SUGT1: variants seen among roughly 807,000 people sequenced by gnomAD.
SUGT1 encodes protein SGT1 homolog.
A neutral mutation model predicts 56.1 loss-of-function variants in SUGT1; 15 were observed. The observed-to-expected ratio is 0.27, with a 90% CI of 0.18 to 0.41. SUGT1 has a LOEUF of 0.41. SUGT1 is among the 10% of genes least tolerant of loss of function. SUGT1 has a pLI of 1.00. For synonymous variants in SUGT1, 123 were observed against 128.6 expected, an observed-to-expected ratio of 0.96 and a Z score of 0.30; for missense variants, 347 against 382.2, an observed-to-expected ratio of 0.91 and a Z score of 0.77.
At chr13:52,687,662 A>G in intron 12 of SUGT1, 72 bp from the exon 13 acceptor site, 2 of 1,265,032 alleles carry the variant, frequency 1.6e-6, no homozygotes, top group South Asian at 1.7e-5. Flanking sequence ...CTATGCTTGG[A>G]ACATTTTAAG....
chr13:52,667,484 A>G (rs1353004862), intron 10 of SUGT1, among the ~76,000 whole-genome samples: 1 of 152,124 alleles, frequency 6.6e-6, no homozygotes, highest in Non-Finnish European at 1.5e-5. Context: ...AGCTGGGACT[A>G]CAGGCATGCA....
At chr13:52,670,247 T>C (rs1962874847) in intron 10 of SUGT1, among the ~76,000 whole-genome samples, 1 of 152,232 alleles carries the variant, frequency 6.6e-6, no homozygotes, top group Non-Finnish European at 1.5e-5. Context: ...TAGCATTTCT[T>C]AACTATTTTA....
At chr13:52,654,975 G>A (rs1002822508) in intron 2 of SUGT1, among the ~76,000 whole-genome samples, 1 of 152,198 alleles carries the variant, frequency 6.6e-6, no homozygotes, top group Admixed American at 6.5e-5. Flanking sequence ...GCCTAGGATA[G>A]TCATGTGGCT....
chr13:52,694,967 C>CA lies in SUGT1; in HGVS notation c.*7132_*7133insA, dbSNP rs2138195268. 1 of 152,410 alleles carries CA rather than the reference C, an allele frequency of 6.6e-6. No homozygotes were observed. Among genetic ancestry groups the CA allele is most frequent in the African/African-American group, 2.4e-5 (1 of 41,568 alleles). The allele number at this position is 152,410 out of a possible 1,614,324, so 9.4% of individuals were successfully genotyped here. On this transcript the variant is annotated 3_prime_UTR_variant, in exon 13 of 13. Coordinates refer to ENST00000310528, the MANE Select transcript of SUGT1 (RefSeq NM_006704.5). ...CCTCCCAAAGTGCTGGGATTACAGG[C>CA]GTGAGCCACCATGCCCAGCCTGCTG...
intron 11 of SUGT1, among the ~76,000 whole-genome samples, chr13:52,677,893 A>G (rs1242659612): frequency 1.3e-5 from 2 of 152,180 alleles, no homozygotes; most frequent in African/African-American, 4.8e-5. Flanking sequence ...GAGATTAAAG[A>G]TCAAGGCTTT....
intron 5 of SUGT1, among the ~76,000 whole-genome samples, chr13:52,662,422 AT>A (rs1962497728): frequency 6.6e-6 from 1 of 152,248 alleles, no homozygotes; most frequent in African/African-American, 2.4e-5. Context: ...TGTAGTTAAA[AT>A]TTTTAAAAAA....
chr13:52,666,753 GT>G, intron 9 of SUGT1, 58 bp from the exon 10 acceptor site: 1 of 1,113,898 alleles, frequency 9.0e-7, no homozygotes, highest in Non-Finnish European at 1.3e-6. Flanking sequence ...TTTTGTGTAG[GT>G]TTTTTACCCT....
intron 12 of SUGT1, among the ~76,000 whole-genome samples, chr13:52,682,823 A>G (rs1041625416): frequency 2.0e-5 from 3 of 152,116 alleles, no homozygotes; most frequent in South Asian, 2.1e-4. Flanking sequence ...TATTTTCACA[A>G]TTGTTTTTAG....
chr13:52,684,071 T>A lies in SUGT1; in HGVS notation c.901-3663T>A, dbSNP rs370878687. ...AATTTATTTTAATTTAATTTAATTTTATTTTATTTTGTAGAGATGGGGTTT... is the reference window on the plus strand; with the variant it reads ...AATTTATTTTAATTTAATTTAATTTAATTTTATTTTGTAGAGATGGGGTTT... On this transcript the variant is annotated intron_variant, in intron 12 of 12. Coordinates refer to ENST00000310528, the MANE Select transcript of SUGT1 (RefSeq NM_006704.5). Among the ~76,000 whole-genome samples, 429 of 152,176 alleles carry A rather than the reference T, an allele frequency of 2.8e-3. 3 individuals carry two copies. The highest frequency in any genetic ancestry group is 6.8e-3 in the Middle Eastern group (2 of 294).
chr13:52,666,132 C>T (rs769360460), intron 9 of SUGT1, among the ~76,000 whole-genome samples: 2 of 152,208 alleles, frequency 1.3e-5, no homozygotes, highest in Non-Finnish European at 2.9e-5. Context: ...CTTGCGTAGG[C>T]TGGAGTGCAG....
chr13:52,663,464 CA>C (rs1276526012), intron 7 of SUGT1, among the ~76,000 whole-genome samples: 2 of 152,012 alleles, frequency 1.3e-5, no homozygotes, highest in Non-Finnish European at 2.9e-5. Flanking sequence ...TAGGCTAAGA[CA>C]AAAGTTAAAG....
At chr13:52,669,254 A>G (rs1594241722) in intron 10 of SUGT1, among the ~76,000 whole-genome samples, 1 of 152,222 alleles carries the variant, frequency 6.6e-6, no homozygotes, top group East Asian at 1.9e-4. Context: ...GGGTCCCCAG[A>G]TAAAGTTACA....
intron 10 of SUGT1, among the ~76,000 whole-genome samples, chr13:52,674,053 CT>C (rs765220996): frequency 2.1e-4 from 23 of 107,948 alleles, no homozygotes; most frequent in African/African-American, 7.0e-4. Flanking sequence ...AGATAGTATA[CT>C]TTTTTTTTTT....
intron 11 of SUGT1, among the ~76,000 whole-genome samples, chr13:52,678,904 C>G (rs1344845300): frequency 6.6e-6 from 1 of 151,710 alleles, no homozygotes; most frequent in Non-Finnish European, 1.5e-5. Context: ...GCTGGTCTCA[C>G]ACTTCTGGCC....
intron 9 of SUGT1, among the ~76,000 whole-genome samples, chr13:52,666,079 G>A (rs1303235507): frequency 3.8e-4 from 58 of 152,158 alleles, no homozygotes; most frequent in African/African-American, 1.4e-4. Flanking sequence ...TGTTAAATGA[G>A]TATGACTTTT....
rs1227310691 is a variant in SUGT1 at position 52,689,101 on chromosome 13, C to T, written c.*1266C>T. The T allele has an allele frequency of 6.6e-6, 1 of 152,202 alleles. No individual in the cohort carries two copies. Among genetic ancestry groups the T allele is most frequent in the African/African-American group, 2.4e-5 (1 of 41,410 alleles). 9.4% of individuals were successfully genotyped at this position (152,202 alleles called of 1,614,324 possible). On this transcript the variant is annotated 3_prime_UTR_variant, in exon 13 of 13. Coordinates refer to ENST00000310528, the MANE Select transcript of SUGT1 (RefSeq NM_006704.5). ...GGAGGCAAACGGGTCATCATTTCAGCCTCCAAAACAGTAGGAATTCAGCTC... is the reference window on the plus strand; with the variant it reads ...GGAGGCAAACGGGTCATCATTTCAGTCTCCAAAACAGTAGGAATTCAGCTC...
intron 2 of SUGT1, among the ~76,000 whole-genome samples, chr13:52,653,705 G>A (rs2118093): frequency 0.95 from 145,001 of 152,260 alleles, 69,059 homozygotes; most frequent in East Asian, 0.99. Context: ...TGCAATGAAG[G>A]CAAACCATAA....
chr13:52,657,796 G>A (rs113870243), intron 3 of SUGT1, among the ~76,000 whole-genome samples, 174 bp downstream of exon 3: 1 of 152,244 alleles, frequency 6.6e-6, no homozygotes, highest in African/African-American at 2.4e-5. Flanking sequence ...TATGGATGTC[G>A]CTTTTTCCTT....
At chr13:52,670,307 G>A (rs1249096770) in intron 10 of SUGT1, among the ~76,000 whole-genome samples, 1 of 152,084 alleles carries the variant, frequency 6.6e-6, no homozygotes, top group Non-Finnish European at 1.5e-5. Context: ...TATTTTTTCA[G>A]TATCTCTGAT....
Sources: allele counts gnomAD v4.1 joint callset (sites outside exome capture counted in the v4.1 genomes callset), GRCh38; gene constraint gnomAD v4.1.1; transcripts MANE v1.5; gene names NCBI Gene and HGNC (gene_info 2026-07-23, HGNC 2026-07-21).